PLAC1: variants seen among roughly 807,000 people sequenced by gnomAD.
PLAC1 encodes the protein placenta-specific protein 1.
For missense variants in PLAC1, 136 were observed against 163.2 expected (o/e 0.83, Z 0.91); for synonymous variants, 68 against 62.1 (o/e 1.09, Z -0.44).
At position 134,719,965 on chromosome X, in the gene PLAC1, C is replaced by T. The variant is rs761813257; in HGVS notation, n.174+13470G>A. ...AATACAAGAATGTCCACTCTTACCACTTCTATTCAATATTATACTGGAAGT... is the reference window on the plus strand; with the variant it reads ...AATACAAGAATGTCCACTCTTACCATTTCTATTCAATATTATACTGGAAGT... On this transcript the variant is annotated intron_variant and non_coding_transcript_variant, in intron 2 of 2. Transcript: ENST00000466797. Among the ~76,000 whole-genome samples, 4 of 111,743 alleles carry T rather than the reference C, an allele frequency of 3.6e-5. No homozygotes were observed. In the South Asian group the frequency reaches 1.5e-3, roughly 42 times the overall value.
chrX:134,595,617 G>A (rs781282216), intron 2 of PLAC1, among the ~76,000 whole-genome samples: 2 of 102,926 alleles, frequency 1.9e-5, no homozygotes, highest in Non-Finnish European at 4.0e-5. Flanking sequence ...TATAATGTGT[G>A]TATATATATA....
At chrX:134,708,554 T>TTGG (rs2078616312) in intron 2 of PLAC1, among the ~76,000 whole-genome samples, 1 of 103,281 alleles carries the variant, frequency 9.7e-6, no homozygotes, top group African/African-American at 3.5e-5. Context: ...TTTTTTTTTT[T>TTGG]GAGACAGAGT....
intron 1 of PLAC1, among the ~76,000 whole-genome samples, chrX:134,619,419 G>A (rs2078200190): frequency 9.0e-6 from 1 of 111,168 alleles, no homozygotes; most frequent in Admixed American, 9.6e-5. Flanking sequence ...TTGGGAGGGC[G>A]AGGTGAGCAG....
intron 2 of PLAC1, among the ~76,000 whole-genome samples, chrX:134,674,628 A>G (rs2078467157): frequency 8.9e-6 from 1 of 112,449 alleles, no homozygotes. Flanking sequence ...ACAAACATCA[A>G]CAGCCTCTCA....
intron 2 of PLAC1, among the ~76,000 whole-genome samples, chrX:134,584,301 G>A (rs1169545747): frequency 8.9e-6 from 1 of 111,916 alleles, no homozygotes; most frequent in East Asian, 2.8e-4. Flanking sequence ...AATGCTGATC[G>A]CAGGCAGCCC....
intron 2 of PLAC1, among the ~76,000 whole-genome samples, chrX:134,678,226 T>C (rs1006631527): frequency 1.8e-5 from 2 of 111,875 alleles, no homozygotes; most frequent in South Asian, 3.8e-4. Flanking sequence ...ACCAAAGTTC[T>C]TTCCATGGCC....
upstream of PLAC1, chrX:134,658,503 T>C (rs1203089675): frequency 8.9e-6 from 1 of 112,470 alleles, no homozygotes; most frequent in East Asian, 2.8e-4. Context: ...TTTATATAAA[T>C]AGAGCTATAT....
In PLAC1 at chrX:134,750,845, ATT is replaced by A. The variant is rs1360562118; in HGVS notation, n.89+13387_89+13388del. 9.4e-3 allele frequency among the ~76,000 whole-genome samples: 265 copies of A among 28,050 alleles called. 40 individuals carry two copies. The highest frequency in any genetic ancestry group is 0.017 in the South Asian group (9 of 518). The allele number at this position is 28,050 out of a possible 115,157, so 24.4% of individuals were successfully genotyped here. A position where few individuals can be genotyped will look rare whatever the true frequency, so the allele number is the denominator to read the frequency against. ...TATATATATATATATTTATATATAT[ATT>A]TATATATATATATTTTTATATATAT... On this transcript the variant is annotated intron_variant and non_coding_transcript_variant, in intron 1 of 2. Coordinates refer to the PLAC1 transcript ENST00000466797.
chrX:134,612,361 G>A (rs764264671), intron 1 of PLAC1, among the ~76,000 whole-genome samples: 19 of 112,245 alleles, frequency 1.7e-4, no homozygotes, highest in Non-Finnish European at 3.0e-4. Context: ...AAAGCGTTTA[G>A]CACAGTGCCG....
intron 2 of PLAC1, among the ~76,000 whole-genome samples, chrX:134,716,107 TC>T (rs2078642574): frequency 8.9e-6 from 1 of 111,910 alleles, no homozygotes; most frequent in Non-Finnish European, 1.9e-5. Flanking sequence ...CCTACCCCAG[TC>T]CCCTCCTCCC....
chrX:134,565,844 T>G lies in PLAC1; in HGVS notation c.*200A>C, dbSNP rs2077870392. 5.1e-6 allele frequency: 2 copies of G among 390,504 alleles called. No homozygotes were observed. Among genetic ancestry groups the G allele is most frequent in the African/African-American group, 5.0e-5 (2 of 39,974 alleles). The allele number at this position is 390,504 out of a possible 1,213,427, so 32.2% of individuals were successfully genotyped here. ...AATAAAAATGCCCAACATATTTTTA[T>G]GCGATCAGAATTTTATTTTATTTTT... On this transcript the variant is annotated 3_prime_UTR_variant, in exon 3 of 3. Coordinates refer to ENST00000359237, the MANE Select transcript of PLAC1 (RefSeq NM_021796.4).
intron 2 of PLAC1, among the ~76,000 whole-genome samples, chrX:134,677,249 C>T (rs912739645): frequency 1.8e-5 from 2 of 111,972 alleles, no homozygotes; most frequent in African/African-American, 3.2e-5. Context: ...TGAGGGGCTA[C>T]TGTGTGCCAG....
Position 134,566,231 on chromosome X carries a change from C to G in PLAC1, c.452G>C (p.Ser151Thr). The G allele has an allele frequency of 8.3e-7, 1 of 1,211,502 alleles. No individual in the cohort carries two copies. The highest frequency in any genetic ancestry group is 1.8e-5 in the South Asian group (1 of 56,973). Residue 151 changes from serine to threonine, a missense_variant, in exon 3 of 3, where the codon AGC becomes ACC. Transcript: ENST00000359237. ...GGGCCTTTGACTGGACTGTGACAAGCTGAACACCTCGTAGCATTTCTCATC... is the reference window on the plus strand; with the variant it reads ...GGGCCTTTGACTGGACTGTGACAAGGTGAACACCTCGTAGCATTTCTCATC... ...QKDEKCYEVF[S>T]LSQSSQRPNC...
At chrX:134,701,102 G>C (rs1266054803) in intron 2 of PLAC1, among the ~76,000 whole-genome samples, 1 of 111,504 alleles carries the variant, frequency 9.0e-6, no homozygotes, top group African/African-American at 3.3e-5. Flanking sequence ...TAGATCAATG[G>C]AACAGAATAG....
intron 1 of PLAC1, among the ~76,000 whole-genome samples, chrX:134,750,887 A>ATATT (rs1246412493): frequency 5.7e-5 from 1 of 17,569 alleles, no homozygotes; most frequent in African/African-American, 4.3e-4. Flanking sequence ...TTATAAATAT[A>ATATT]TATATATATA....
At chrX:134,594,897 T>G (rs2124379438) in intron 2 of PLAC1, among the ~76,000 whole-genome samples, 1 of 107,531 alleles carries the variant, frequency 9.3e-6, no homozygotes, top group Non-Finnish European at 1.9e-5. Flanking sequence ...TCCTTCCTTC[T>G]GCTTGCCTTA....
At chrX:134,626,062 G>A (rs1223610507) in intron 1 of PLAC1, among the ~76,000 whole-genome samples, 1 of 110,826 alleles carries the variant, frequency 9.0e-6, no homozygotes, top group African/African-American at 3.3e-5. Context: ...AGATTTCAGG[G>A]AGCCTCCTGC....
chrX:134,569,937 T>C (rs780833844), intron 2 of PLAC1, among the ~76,000 whole-genome samples: 2 of 110,798 alleles, frequency 1.8e-5, no homozygotes, highest in African/African-American at 6.6e-5. Flanking sequence ...GCGATTCTTC[T>C]GCCTCAGCCT....
intron 2 of PLAC1, among the ~76,000 whole-genome samples, chrX:134,698,236 G>C (rs951001668): frequency 2.7e-5 from 3 of 111,304 alleles, no homozygotes; most frequent in Non-Finnish European, 5.6e-5. Flanking sequence ...TGGATCACCT[G>C]AGGTCAGGAG....
Sources: gnomAD v4.1 joint callset for allele counts (sites outside exome capture counted in the v4.1 genomes callset) on GRCh38, gnomAD v4.1.1 for gene constraint, MANE v1.5 for transcripts, NCBI Gene and HGNC (gene_info 2026-07-23, HGNC 2026-07-21) for gene names.